The following SMAD2 variants were observed in gnomAD, a reference collection of about 807,000 sequenced individuals.
SMAD2 encodes SMAD family member 2.
SMAD2 carries 8 observed loss-of-function variants against 64.4 expected under a neutral mutation model. The ratio of observed to expected loss-of-function variants is 0.12; its 90% confidence interval spans 0.07 to 0.22. The LOEUF (loss-of-function observed/expected upper bound fraction) is 0.22, where lower values mean the gene tolerates loss of function less well. Among genes scored for constraint, SMAD2 ranks in the 10% least tolerant of loss-of-function variants. SMAD2 has a pLI of 1.00. For synonymous variants in SMAD2, 203 were observed against 195.8 expected (o/e 1.04, Z -0.31); for missense variants, 289 against 561.2 (o/e 0.51, Z 4.90).
chr18:47,872,861 G>C (rs1428354957), intron 2 of SMAD2, among the ~76,000 whole-genome samples: 2 of 152,110 alleles, frequency 1.3e-5, no homozygotes, highest in Non-Finnish European at 2.9e-5. Flanking sequence ...GTTGGGAACA[G>C]CCGATTTAAA....
chr18:47,854,672 T>C (rs2030498640), intron 6 of SMAD2, among the ~76,000 whole-genome samples: 1 of 152,260 alleles, frequency 6.6e-6, no homozygotes, highest in Admixed American at 6.5e-5. Flanking sequence ...TTATATCTTT[T>C]AAGGTGACAT....
chr18:47,871,314 A>T (rs2031919451), intron 2 of SMAD2, among the ~76,000 whole-genome samples: 1 of 152,224 alleles, frequency 6.6e-6, no homozygotes, highest in African/African-American at 2.4e-5. Context: ...TTTTCTGAAA[A>T]GTCCATTTCT....
At chr18:47,854,871 G>C (rs1215563241) in intron 6 of SMAD2, among the ~76,000 whole-genome samples, 1 of 152,052 alleles carries the variant, frequency 6.6e-6, no homozygotes, top group Middle Eastern at 3.2e-3. Flanking sequence ...CATTATCACT[G>C]AAAGTCCATA....
chr18:47,839,394 C>T lies in SMAD2; in HGVS notation c.*2433G>A, dbSNP rs1034777399. 1.4e-4 allele frequency: 33 copies of T among 233,252 alleles called. No individual in the cohort carries two copies. Among genetic ancestry groups the T allele is most frequent in the Admixed American group, 6.2e-4 (11 of 17,780 alleles). The allele number at this position is 233,252 out of a possible 1,614,324, so 14.4% of individuals were successfully genotyped here. A position where few individuals can be genotyped will look rare whatever the true frequency, so the allele number is the denominator to read the frequency against. ...AAGAAAAAGAAGGGCAGAGGCTCCA[C>T]TGAGTATCTCCTACAGGCCTGATAG... On this transcript the variant is annotated 3_prime_UTR_variant, in exon 11 of 11. Transcript: ENST00000262160.
chr18:47,816,434 T>C lies in SMAD2; in HGVS notation c.*25393A>G, dbSNP rs761923835. On this transcript the variant is annotated 3_prime_UTR_variant, in exon 11 of 11. Coordinates refer to ENST00000262160, the MANE Select transcript of SMAD2 (RefSeq NM_005901.6). ...CTGCCTGAACAACTTATTAAGAACA[T>C]TAACAAGTAATAACACATATTTTAA... is the stretch of plus-strand genomic sequence containing the variant. The C allele has an allele frequency of 6.6e-6, 1 of 152,190 alleles. No individual in the cohort carries two copies. Among genetic ancestry groups the C allele is most frequent in the Non-Finnish European group, 1.5e-5 (1 of 68,028 alleles). 9.4% of individuals were successfully genotyped at this position (152,190 alleles called of 1,614,324 possible). A position where few individuals can be genotyped will look rare whatever the true frequency, so the allele number is the denominator to read the frequency against.
chr18:47,850,122 CATGGTT>C (rs1914959178), intron 7 of SMAD2, among the ~76,000 whole-genome samples: 1 of 131,438 alleles, frequency 7.6e-6, no homozygotes, highest in South Asian at 2.2e-4. Flanking sequence ...ATGCTGAACT[CATGGTT>C]ATGAAGGGAC....
chr18:47,851,192 AAAAT>A, intron 7 of SMAD2, 78 bp downstream of exon 7: 1 of 1,008,114 alleles, frequency 9.9e-7, no homozygotes, highest in Non-Finnish European at 1.6e-6. Context: ...GGATATATAA[AAAAT>A]AACTCCTAGA....
chr18:47,845,577 C>A (rs1227207513), intron 9 of SMAD2, 86 bp downstream of exon 9: 2 of 1,560,822 alleles, frequency 1.3e-6, no homozygotes, highest in Non-Finnish European at 1.8e-6. Context: ...TATGAGCATG[C>A]AATCATCTAC....
chr18:47,847,700 CAAAAAAA>C (rs58794971), intron 8 of SMAD2, among the ~76,000 whole-genome samples: 47 of 111,890 alleles, frequency 4.2e-4, no homozygotes, highest in Middle Eastern at 4.9e-3. Context: ...ATTTCCAAAG[CAAAAAAA>C]AAAAAAAAAA....
chr18:47,865,234 T>C (rs1598796269), intron 5 of SMAD2, 101 bp from the exon 6 acceptor site: 2 of 695,946 alleles, frequency 2.9e-6, no homozygotes, highest in East Asian at 5.5e-5. Context: ...AAATAACAAA[T>C]AATAATGTTA....
rs34954783 is a variant in SMAD2, at chr18:47,847,630, C to CAA, written c.997+843_997+844dup. Reference sequence around the variant, plus strand: ...ATAAAAAACAACTGTATTTCCAAAGCAAAAAAAAAAAAAATAGAGTGGCAA... The same window carrying CAA: ...ATAAAAAACAACTGTATTTCCAAAGCAAAAAAAAAAAAAAAATAGAGTGGCAA... On this transcript the variant is annotated intron_variant, in intron 8 of 10. Transcript: ENST00000262160. Among the ~76,000 whole-genome samples, 15 of 92,870 alleles carry CAA rather than the reference C, an allele frequency of 1.6e-4. 1 individual carries two copies. Among genetic ancestry groups the CAA allele is most frequent in the Non-Finnish European group, 2.9e-4 (14 of 48,264 alleles). The allele number at this position is 92,870 out of a possible 152,430, so 60.9% of individuals were successfully genotyped here.
chr18:47,866,625 C>T (rs569978850), intron 5 of SMAD2, among the ~76,000 whole-genome samples: 7 of 152,170 alleles, frequency 4.6e-5, no homozygotes, highest in African/African-American at 1.4e-4. Context: ...GAAAGAAATG[C>T]TGAACCTTAA....
At chr18:47,854,187 C>G (rs1344102856) in intron 6 of SMAD2, among the ~76,000 whole-genome samples, 2 of 152,022 alleles carry the variant, frequency 1.3e-5, no homozygotes, top group African/African-American at 4.8e-5. Flanking sequence ...AGGTCTTCCA[C>G]TTAGAATATT....
At chr18:47,869,885 C>CA (rs2144381834) in intron 3 of SMAD2, among the ~76,000 whole-genome samples, 1 of 152,216 alleles carries the variant, frequency 6.6e-6, no homozygotes, top group South Asian at 2.1e-4. Context: ...GTAACTTCCT[C>CA]AGACTACTGC....
Position 47,840,119 on chromosome 18 carries a change from T to C in SMAD2, c.*1708A>G, listed in dbSNP as rs567548228. 8.6e-6 allele frequency: 2 copies of C among 233,136 alleles called. No homozygotes were observed. The highest frequency in any genetic ancestry group is 6.0e-5 in the East Asian group (1 of 16,622). 14.4% of individuals were successfully genotyped at this position (233,136 alleles called of 1,614,324 possible). A position where few individuals can be genotyped will look rare whatever the true frequency, so the allele number is the denominator to read the frequency against. On this transcript the variant is annotated 3_prime_UTR_variant, in exon 11 of 11. Transcript: ENST00000262160. ...AAAAAATTACTATACCAAATTTACA[T>C]GAACACATACATATACACACAAATA...
rs140094443 is a variant in SMAD2 at position 47,861,628 on chromosome 18, A to G, written c.730+3431T>C. On this transcript the variant is annotated intron_variant, in intron 6 of 10. Transcript: ENST00000262160. The stretch of plus-strand genomic sequence containing the variant: ...CACATGGCAGAGAAAAGGCATTGTT[A>G]TAAGACTATTATCCTGAAGTTGTCA... Among the ~76,000 whole-genome samples, 77 of 152,358 alleles carry G rather than the reference A, an allele frequency of 5.1e-4. 1 individual carries two copies. Among genetic ancestry groups the G allele is most frequent in the African/African-American group, 1.7e-3 (69 of 41,594 alleles).
intron 10 of SMAD2, chr18:47,845,019 C>G (rs752187702): frequency 4.0e-5 from 22 of 551,928 alleles, no homozygotes; most frequent in Non-Finnish European, 5.4e-5. Flanking sequence ...CATGTGCCAT[C>G]AAGTTTTCCT....
intron 8 of SMAD2, among the ~76,000 whole-genome samples, chr18:47,846,378 T>C (rs1914489290): frequency 6.7e-6 from 1 of 150,088 alleles, no homozygotes; most frequent in Admixed American, 6.7e-5. Flanking sequence ...ATATAAGAAT[T>C]AAAAAAAAAA....
intron 2 of SMAD2, among the ~76,000 whole-genome samples, chr18:47,881,423 A>T (rs2032581594): frequency 6.6e-6 from 1 of 152,182 alleles, no homozygotes; most frequent in Admixed American, 6.5e-5. Flanking sequence ...AATACAATTG[A>T]TTTTTAGACA....
Sources: allele counts gnomAD v4.1 joint callset (sites outside exome capture counted in the v4.1 genomes callset), GRCh38; gene constraint gnomAD v4.1.1; transcripts MANE v1.5; gene names NCBI Gene and HGNC (gene_info 2026-07-23, HGNC 2026-07-21).